Variants in KCNG2 observed in about 807,000 individuals in gnomAD.
The protein encoded by KCNG2 is potassium voltage-gated channel modifier subfamily G member 2, also known as voltage-gated potassium channel regulatory subunit KCNG2.
KCNG2 carries 7 observed loss-of-function variants against 12.3 expected under a neutral mutation model. The ratio of observed to expected loss-of-function variants is 0.57; its 90% CI spans 0.32 to 1.07. The LOEUF is 1.07. KCNG2 is among the 50% of genes least tolerant of loss of function. The pLI is 0.04. For synonymous variants in KCNG2, 414 were observed against 351.4 expected (o/e 1.18, Z -1.99); for missense variants, 703 against 726.0 (o/e 0.97, Z 0.36).
At chr18:79,852,761 C>T (rs1181278150) in intron 1 of KCNG2, among the ~76,000 whole-genome samples, 5 of 152,246 alleles carry the variant, frequency 3.3e-5, no homozygotes, top group Non-Finnish European at 5.9e-5. Flanking sequence ...CAATCAGGGG[C>T]GGAGCCGTAA....
chr18:79,814,702 A>G (rs2087516068), intron 1 of KCNG2, among the ~76,000 whole-genome samples: 1 of 152,226 alleles, frequency 6.6e-6, no homozygotes, highest in Non-Finnish European at 1.5e-5. Flanking sequence ...TAAAGGGTAC[A>G]GGGGATCCCT....
chr18:79,891,283 T>A (rs1980735147), intron 3 of KCNG2, among the ~76,000 whole-genome samples: 1 of 151,870 alleles, frequency 6.6e-6, no homozygotes, highest in Non-Finnish European at 1.5e-5. Context: ...CAGGCTGGAG[T>A]ACAGTGGCAC....
chr18:79,887,362 A>G lies in KCNG2; in HGVS notation c.625-11678A>G, dbSNP rs550577055. On this transcript the variant is annotated intron_variant, in intron 3 of 3. Transcript: ENST00000316249. ...GGCCACGGGACTGTTTCCAGGACAC[A>G]CTGGGCTCAGAGCCACGGGGCTGCC... 2.0e-5 allele frequency among the ~76,000 whole-genome samples: 3 copies of G among 152,032 alleles called. No individual in the cohort carries two copies. The South Asian group carries it at 6.2e-4, about 31-fold the overall frequency.
chr18:79,815,892 C>G (rs1170184273), intron 1 of KCNG2, among the ~76,000 whole-genome samples: 1 of 152,218 alleles, frequency 6.6e-6, no homozygotes, highest in Non-Finnish European at 1.5e-5. Context: ...GGGGTGGCAG[C>G]CAACACTGCT....
intron 1 of KCNG2, among the ~76,000 whole-genome samples, chr18:79,826,609 CTGAG>C (rs760063798): frequency 9.6e-5 from 12 of 125,106 alleles, no homozygotes; most frequent in South Asian, 2.6e-4. Context: ...TCAGTGAAAA[CTGAG>C]TGAGCAGCTC....
intron 1 of KCNG2, among the ~76,000 whole-genome samples, chr18:79,801,143 C>T (rs549662261): frequency 3.9e-5 from 6 of 152,228 alleles, no homozygotes; most frequent in East Asian, 1.9e-4. Context: ...TGAATGATGA[C>T]GCCCTGACCT....
At chr18:79,876,611 C>G (rs933547168) in intron 3 of KCNG2, among the ~76,000 whole-genome samples, 1 of 152,248 alleles carries the variant, frequency 6.6e-6, no homozygotes, top group African/African-American at 2.4e-5. Context: ...CCTCTGCGAG[C>G]AGCTTGCTCA....
At chr18:79,812,069 A>T (rs1599365580) in intron 1 of KCNG2, among the ~76,000 whole-genome samples, 1 of 152,192 alleles carries the variant, frequency 6.6e-6, no homozygotes, top group African/African-American at 2.4e-5. Context: ...GAATGCCCCC[A>T]AAACCTCCCA....
Position 79,883,991 on chromosome 18 carries a change from C to T in KCNG2, c.625-15049C>T, listed in dbSNP as rs548756447. 2.0e-5 allele frequency among the ~76,000 whole-genome samples: 3 copies of T among 152,038 alleles called. No homozygotes were observed. In the South Asian group the frequency reaches 6.2e-4, roughly 32 times the overall value. On this transcript the variant is annotated intron_variant, in intron 3 of 3. Coordinates refer to ENST00000316249, the MANE Select transcript of KCNG2 (RefSeq NM_012283.2). The stretch of plus-strand genomic sequence containing the variant: ...TCGGGTGTGCCTGGGTGGGGACCGT[C>T]CCCCGCCCCCGTCTAGCCAGTCCCC...
chr18:79,835,286 C>T (rs958094437), intron 1 of KCNG2, among the ~76,000 whole-genome samples: 2 of 152,208 alleles, frequency 1.3e-5, no homozygotes, highest in African/African-American at 4.8e-5. Context: ...GAAATCAGCC[C>T]TCATACCAAG....
chr18:79,804,790 C>A (rs890531531), intron 1 of KCNG2, among the ~76,000 whole-genome samples: 1 of 152,148 alleles, frequency 6.6e-6, no homozygotes, highest in African/African-American at 2.4e-5. Flanking sequence ...TTCTCACATT[C>A]TAAAAGCAGT....
intron 3 of KCNG2, among the ~76,000 whole-genome samples, chr18:79,898,334 TTGGCCTCTCC>T (rs1418022313): frequency 3.3e-5 from 5 of 152,172 alleles, no homozygotes; most frequent in Admixed American, 3.3e-4. Flanking sequence ...TGAGACCCCA[TTGGCCTCTCC>T]TGGCCTGGAA....
Position 79,884,279 on chromosome 18 carries a change from T to C in KCNG2, c.625-14761T>C, listed in dbSNP as rs1415886860. 7.8e-6 allele frequency among the ~76,000 whole-genome samples: 1 copy of C among 128,456 alleles called. No homozygotes were observed. Among genetic ancestry groups the C allele is most frequent in the African/African-American group, 3.0e-5 (1 of 33,372 alleles). 84.3% of individuals were successfully genotyped at this position (128,456 alleles called of 152,430 possible). A position where few individuals can be genotyped will look rare whatever the true frequency, so the allele number is the denominator to read the frequency against. On this transcript the variant is annotated intron_variant, in intron 3 of 3. Transcript: ENST00000316249. The surrounding 1 kb of genome is among the most constrained non-coding windows in gnomAD (Gnocchi z 5.5). ...CGCCCCTCCCTGTGGGCCCCACACC[T>C]GCACCCCCAAGAGAATTCGCCCCAT...
At chr18:79,810,791 GA>G (rs905661368) in intron 1 of KCNG2, among the ~76,000 whole-genome samples, 2 of 152,020 alleles carry the variant, frequency 1.3e-5, no homozygotes, top group East Asian at 1.9e-4. Context: ...AAAAAACGTA[GA>G]AAAAAACTAG....
intron 1 of KCNG2, among the ~76,000 whole-genome samples, chr18:79,842,313 T>C (rs982022721): frequency 6.6e-6 from 1 of 152,174 alleles, no homozygotes; most frequent in Non-Finnish European, 1.5e-5. Flanking sequence ...GGCCTTCATA[T>C]GGAAGCACCC....
chr18:79,835,337 G>A (rs541219716), intron 1 of KCNG2, among the ~76,000 whole-genome samples: 5 of 152,222 alleles, frequency 3.3e-5, no homozygotes, highest in Non-Finnish European at 5.9e-5. Context: ...GACAGTCAAC[G>A]GCCATTGACA....
chr18:79,889,810 G>A (rs1449692372), intron 3 of KCNG2, among the ~76,000 whole-genome samples: 1 of 152,212 alleles, frequency 6.6e-6, no homozygotes, highest in East Asian at 1.9e-4. Context: ...TTAGCGTCTC[G>A]TTCCTGAACG....
chr18:79,817,428 G>C (rs1353111129), intron 1 of KCNG2, among the ~76,000 whole-genome samples: 1 of 152,062 alleles, frequency 6.6e-6, no homozygotes, highest in Non-Finnish European at 1.5e-5. Flanking sequence ...GTCAGACACA[G>C]TGTCACATGG....
rs961519558 is a variant in KCNG2, at chr18:79,800,998, G to A, written c.-115+2984G>A. Among the ~76,000 whole-genome samples the A allele has an allele frequency of 1.3e-5, 2 of 152,226 alleles. No homozygotes were observed. The highest frequency in any genetic ancestry group is 4.8e-5 in the African/African-American group (2 of 41,468). The stretch of plus-strand genomic sequence containing the variant: ...GTCTGGCCACGAGGAGCTCCGTGCT[G>A]TTGAGGCACTGTGAACTATCAGACA... On this transcript the variant is annotated intron_variant, in intron 1 of 3. Transcript: ENST00000316249. The surrounding 1 kb of genome is among the most constrained non-coding windows in gnomAD (Gnocchi z 4.0).
Sources: gnomAD v4.1 joint callset for allele counts (sites outside exome capture counted in the v4.1 genomes callset) on GRCh38, gnomAD v4.1.1 for gene constraint, Gnocchi (gnomAD v3.1) non-coding constraint, MANE v1.5 for transcripts, NCBI Gene and HGNC (gene_info 2026-07-23, HGNC 2026-07-21) for gene names.